Variants in ECT2 observed in about 807,000 individuals in gnomAD.
ECT2 encodes the protein epithelial cell transforming 2.
ECT2 carries 61 observed loss-of-function variants against 116.9 expected under a neutral mutation model. The observed-to-expected ratio is 0.52, with a 90% CI of 0.42 to 0.65. The LOEUF (loss-of-function observed/expected upper bound fraction) is 0.65. Among genes scored for constraint, ECT2 ranks in the 30% least tolerant of loss-of-function variants. The probability of loss-of-function intolerance (pLI) is 0.00; values close to 1 mark genes in which losing one functional copy is unlikely to be tolerated. For missense variants in ECT2, 937 were observed against 1,078.7 expected (o/e 0.87, Z 1.84); for synonymous variants, 358 against 346.4 (o/e 1.03, Z -0.37).
chr3:172,798,334 A>G (rs1726103995), intron 18 of ECT2, among the ~76,000 whole-genome samples: 1 of 152,164 alleles, frequency 6.6e-6, no homozygotes, highest in South Asian at 2.1e-4. Flanking sequence ...AACTATGGCT[A>G]GTCTAAGTTT....
In ECT2 at chr3:172,750,808, G is replaced by A. The variant is rs1038571104; in HGVS notation, c.-72G>A. On this transcript the variant is annotated 5_prime_UTR_variant, in exon 1 of 25. Coordinates refer to ENST00000392692, the MANE Select transcript of ECT2 (RefSeq NM_001258315.2). ...CGGCGAGGAATGGCGGTATTTGTGAGAGGAGTCGGCGTTTGAAGAGGTGGA... is the reference window on the plus strand; with the variant it reads ...CGGCGAGGAATGGCGGTATTTGTGAAAGGAGTCGGCGTTTGAAGAGGTGGA... 6 of 153,140 alleles carry A rather than the reference G, an allele frequency of 3.9e-5. No homozygotes were observed. Among genetic ancestry groups the A allele is most frequent in the Non-Finnish European group, 7.3e-5 (5 of 68,418 alleles). The allele number at this position is 153,140 out of a possible 1,614,324, so 9.5% of individuals were successfully genotyped here.
At chr3:172,768,812 A>G (rs978365443) in intron 12 of ECT2, among the ~76,000 whole-genome samples, 195 bp from the exon 13 acceptor site, 2 of 152,132 alleles carry the variant, frequency 1.3e-5, no homozygotes, top group African/African-American at 2.4e-5. Flanking sequence ...ATGCCTACCA[A>G]CTGGAGTCAG....
intron 7 of ECT2, among the ~76,000 whole-genome samples, chr3:172,760,794 C>G (rs1196232996): frequency 7.0e-6 from 1 of 142,766 alleles, no homozygotes; most frequent in African/African-American, 2.6e-5. Context: ...CATCTCGGCT[C>G]ACTGCAAGCT....
chr3:172,785,574 G>A (rs1472465335), intron 17 of ECT2, among the ~76,000 whole-genome samples: 2 of 149,766 alleles, frequency 1.3e-5, no homozygotes, highest in African/African-American at 4.9e-5. Flanking sequence ...TATAATAAAA[G>A]ATATAATTCC....
chr3:172,763,613 A>G (rs1388809542), intron 11 of ECT2, among the ~76,000 whole-genome samples: 3 of 152,260 alleles, frequency 2.0e-5, no homozygotes, highest in Non-Finnish European at 4.4e-5. Context: ...AGACGTCATT[A>G]AAAAGATGAG....
At chr3:172,771,028 A>G (rs1720528106) in intron 13 of ECT2, among the ~76,000 whole-genome samples, 1 of 152,186 alleles carries the variant, frequency 6.6e-6, no homozygotes, top group Non-Finnish European at 1.5e-5. Context: ...ACAGAAGGTA[A>G]TGATCGAAGT....
At position 172,767,984 on chromosome 3, in the gene ECT2, G is replaced by A. The variant is rs578030055; in HGVS notation, c.1292-1023G>A. On this transcript the variant is annotated intron_variant, in intron 12 of 24. Coordinates refer to ENST00000392692, the MANE Select transcript of ECT2 (RefSeq NM_001258315.2). ...TGACCTCAAGTGATCTGTCCGCCTT[G>A]GCCTCCCAAAGCGTTGGGATTACAG... 1.0e-3 allele frequency among the ~76,000 whole-genome samples: 155 copies of A among 152,208 alleles called. 1 individual carries two copies. Among genetic ancestry groups the A allele is most frequent in the African/African-American group, 3.3e-3 (138 of 41,522 alleles).
intron 20 of ECT2, 81 bp downstream of exon 20, chr3:172,803,061 A>G: frequency 4.6e-6 from 6 of 1,293,654 alleles, no homozygotes; most frequent in Non-Finnish European, 5.2e-6. Flanking sequence ...GCTTTAATTG[A>G]AGAGTAATGT....
chr3:172,784,868 A>G, intron 17 of ECT2, 65 bp downstream of exon 17: 2 of 1,017,286 alleles, frequency 2.0e-6, no homozygotes, highest in Non-Finnish European at 2.9e-6. Flanking sequence ...TCCAAAAAAG[A>G]TGAATTTCTT....
At chr3:172,802,425 T>C (rs1289547132) in intron 18 of ECT2, among the ~76,000 whole-genome samples, 191 bp from the exon 19 acceptor site, 2 of 152,154 alleles carry the variant, frequency 1.3e-5, no homozygotes, top group Admixed American at 6.6e-5. Flanking sequence ...AAGTTGCTTG[T>C]TTGTTTTCCT....
intron 12 of ECT2, 100 bp downstream of exon 12, chr3:172,764,600 G>A (rs1718967936): frequency 2.8e-6 from 3 of 1,082,548 alleles, no homozygotes; most frequent in Non-Finnish European, 4.0e-6. Flanking sequence ...GGAAGTCTTT[G>A]CCTTTAATTA....
rs1449790996 is a variant in ECT2 at position 172,802,992 on chromosome 3, C to T, written c.2106+12C>T. 3.7e-6 allele frequency: 6 copies of T among 1,604,384 alleles called. No individual in the cohort carries two copies. Among genetic ancestry groups the T allele is most frequent in the Non-Finnish European group, 5.1e-6 (6 of 1,176,626 alleles). ...ATGATTGCCTAGAGGTAAAGATGTACTTCACATAGTATAATAACACTACTG... is the reference window on the plus strand; with the variant it reads ...ATGATTGCCTAGAGGTAAAGATGTATTTCACATAGTATAATAACACTACTG... On this transcript the variant is annotated intron_variant, in intron 20 of 24. Transcript: ENST00000392692.
intron 24 of ECT2, chr3:172,818,608 CG>C (rs1560036038): frequency 5.4e-6 from 7 of 1,288,614 alleles, no homozygotes; most frequent in Non-Finnish European, 7.1e-6. Flanking sequence ...TTATGTTCAG[CG>C]CCTAAACTCT....
intron 12 of ECT2, among the ~76,000 whole-genome samples, chr3:172,767,627 A>G (rs1292998252): frequency 6.6e-6 from 1 of 152,194 alleles, no homozygotes; most frequent in Non-Finnish European, 1.5e-5. Flanking sequence ...TTCTATATAT[A>G]ATGTTAAAGT....
chr3:172,772,449 G>A (rs964568986), intron 13 of ECT2, among the ~76,000 whole-genome samples: 1 of 152,118 alleles, frequency 6.6e-6, no homozygotes, highest in Non-Finnish European at 1.5e-5. Context: ...GCCCACCTCG[G>A]CCTCTCACAG....
At chr3:172,787,482 C>A (rs1723817244) in intron 18 of ECT2, among the ~76,000 whole-genome samples, 1 of 152,134 alleles carries the variant, frequency 6.6e-6, no homozygotes, top group South Asian at 2.1e-4. Flanking sequence ...GTGCTCAAGT[C>A]CCCTACAGTC....
chr3:172,806,003 G>A, intron 21 of ECT2, 134 bp downstream of exon 21: 1 of 913,256 alleles, frequency 1.1e-6, no homozygotes, highest in Non-Finnish European at 1.6e-6. Flanking sequence ...TAAAGTAATT[G>A]TTCTTGCACC....
Position 172,802,692 on chromosome 3 carries a change from C to T in ECT2, c.1984C>T (p.Pro662Ser). Residue 662 changes from proline to serine, a missense_variant and splice_region_variant, in exon 19 of 25, where the codon CCA becomes TCA. Coordinates refer to ENST00000392692, the MANE Select transcript of ECT2 (RefSeq NM_001258315.2). ...FDVVYEVDGC[P>S]ANLLSSHRSL... is the part of the protein sequence containing the mutation. ...TGTTGTTTATGAAGTAGATGGATGC[C>T]CAGTAAGTATTCTTCTTTAACAATT... The T allele has an allele frequency of 6.3e-7, 1 of 1,593,664 alleles. No individual in the cohort carries two copies. Among genetic ancestry groups the T allele is most frequent in the South Asian group, 1.2e-5 (1 of 86,736 alleles).
At chr3:172,819,286 A>G (rs1449332970) in intron 24 of ECT2, among the ~76,000 whole-genome samples, 1 of 152,092 alleles carries the variant, frequency 6.6e-6, no homozygotes, top group East Asian at 1.9e-4. Flanking sequence ...CAATTACCTT[A>G]CTAGCTCTTA....
Sources: allele counts gnomAD v4.1 joint callset (sites outside exome capture counted in the v4.1 genomes callset), GRCh38; gene constraint gnomAD v4.1.1; transcripts MANE v1.5; gene names NCBI Gene and HGNC (gene_info 2026-07-23, HGNC 2026-07-21).